PHLPP1: variants seen among roughly 807,000 people sequenced by gnomAD.
PHLPP1 encodes the protein PH domain and leucine rich repeat protein phosphatase 1.
In PHLPP1, 42 loss-of-function variants were observed where a neutral mutation model predicts 117.2. The observed-to-expected ratio is 0.36, with a 90% CI of 0.28 to 0.46. The LOEUF (loss-of-function observed/expected upper bound fraction) is 0.46. Ranked by LOEUF, PHLPP1 falls within the 20% of genes least tolerant of loss-of-function variation. The pLI is 1.00. For missense variants in PHLPP1, 2,084 were observed against 2,241.9 expected (o/e 0.93, Z 1.42); for synonymous variants, 1,042 against 970.7 (o/e 1.07, Z -1.37).
intron 2 of PHLPP1, among the ~76,000 whole-genome samples, chr18:62,836,947 T>G (rs1914922192): frequency 6.6e-6 from 1 of 151,936 alleles, no homozygotes; most frequent in Non-Finnish European, 1.5e-5. Context: ...AGGAGTGAAA[T>G]TCCGTCTCAA....
In PHLPP1 at chr18:62,715,996, G is replaced by A. The variant is rs1910713790; in HGVS notation, c.313G>A (p.Gly105Arg). ...CGGGGCGCCCCAGCCCATTGCCGGC[G>A]GGGCTGCCCCCGTACCCGGGGCCGG... ...RRGAPQPIAG[G>R]AAPVPGAGGG... Residue 105 changes from glycine (G) to arginine (R), a missense_variant, in exon 1 of 17, where the codon GGG becomes AGG. Gly to Arg is a moderately radical substitution (Grantham distance 125). Around this residue, in one of 2 missense-constraint regions of PHLPP1, gnomAD observed 719 missense variants for 636.0 expected, o/e 1.13. Coordinates refer to ENST00000262719, the MANE Select transcript of PHLPP1 (RefSeq NM_194449.4). 2 of 1,345,936 alleles carry A rather than the reference G, an allele frequency of 1.5e-6. No homozygotes were observed. The highest frequency in any genetic ancestry group is 1.9e-6 in the Non-Finnish European group (2 of 1,055,466). 83.4% of individuals were successfully genotyped at this position (1,345,936 alleles called of 1,614,324 possible). A position where few individuals can be genotyped will look rare whatever the true frequency, so the allele number is the denominator to read the frequency against.
At chr18:62,753,845 ATTTC>A (rs1359625200) in intron 1 of PHLPP1, among the ~76,000 whole-genome samples, 1 of 152,144 alleles carries the variant, frequency 6.6e-6, no homozygotes, top group Non-Finnish European at 1.5e-5. Flanking sequence ...GTTTTGTAAG[ATTTC>A]TTACTATGGG....
Position 62,841,331 on chromosome 18 carries a change from CTT to C in PHLPP1, c.1899+2440_1899+2441del, listed in dbSNP as rs1048275193. Among the ~76,000 whole-genome samples the C allele has an allele frequency of 1.7e-3, 212 of 128,478 alleles. 1 individual carries two copies. The highest frequency in any genetic ancestry group is 5.8e-3 in the African/African-American group (197 of 34,158). 84.3% of individuals were successfully genotyped at this position (128,478 alleles called of 152,430 possible). ...TTCACTTTTCTGTTTTTCTTTCTCTCTTTTTTTTTTTTTTTTTTTGAGATGGA... is the reference window on the plus strand; with the variant it reads ...TTCACTTTTCTGTTTTTCTTTCTCTCTTTTTTTTTTTTTTTTTGAGATGGA... On this transcript the variant is annotated intron_variant, in intron 3 of 16. Coordinates refer to ENST00000262719, the MANE Select transcript of PHLPP1 (RefSeq NM_194449.4).
chr18:62,913,184 A>G (rs1796293555), intron 8 of PHLPP1, among the ~76,000 whole-genome samples: 1 of 152,162 alleles, frequency 6.6e-6, no homozygotes, highest in Non-Finnish European at 1.5e-5. Flanking sequence ...TCCTCCATGC[A>G]AAGTTCTAAG....
At chr18:62,896,454 GC>G (rs1916565785) in intron 6 of PHLPP1, among the ~76,000 whole-genome samples, 1 of 151,938 alleles carries the variant, frequency 6.6e-6, no homozygotes, top group Non-Finnish European at 1.5e-5. Flanking sequence ...ACCATGCCTG[GC>G]TAATTTTTTT....
chr18:62,860,459 G>C lies in PHLPP1; in HGVS notation c.1924G>C (p.Val642Leu). Residue 642 changes from valine (V) to leucine (L), a missense_variant, in exon 4 of 17, where the codon GTG becomes CTG. Physicochemically the swap from Val to Leu is conservative, Grantham distance 32. Around this residue, in one of 2 missense-constraint regions of PHLPP1, gnomAD observed 1,365 missense variants for 1,605.9 expected, o/e 0.85. Coordinates refer to ENST00000262719, the MANE Select transcript of PHLPP1 (RefSeq NM_194449.4). ...GGTTGCATCCCAGCGCATTAGCTCA[G>C]TGGACCTCTCGTGTTGTAGCCTGGA... The part of the protein sequence containing the change: ...SKVASQRISS[V>L]DLSCCSLEHL... 6.2e-7 allele frequency: 1 copy of C among 1,613,948 alleles called. No individual in the cohort carries two copies. The highest frequency in any genetic ancestry group is 8.5e-7 in the Non-Finnish European group (1 of 1,179,854).
chr18:62,923,588 T>G (rs181996580), intron 10 of PHLPP1, among the ~76,000 whole-genome samples: 1 of 152,220 alleles, frequency 6.6e-6, no homozygotes, highest in Non-Finnish European at 1.5e-5. Context: ...AGAAAAATCA[T>G]ATTTTCTAAT....
chr18:62,937,126 T>C (rs1909997662), intron 10 of PHLPP1, among the ~76,000 whole-genome samples: 1 of 152,178 alleles, frequency 6.6e-6, no homozygotes, highest in Non-Finnish European at 1.5e-5. Context: ...CTAAGAGAAT[T>C]TGGCTGTAAA....
At chr18:62,929,162 G>GT (rs1244059480) in intron 10 of PHLPP1, among the ~76,000 whole-genome samples, 3 of 151,990 alleles carry the variant, frequency 2.0e-5, no homozygotes, top group African/African-American at 7.3e-5. Flanking sequence ...CTATAAAGCT[G>GT]TTTTTTTAAA....
chr18:62,717,135 G>A lies in PHLPP1; in HGVS notation c.1452G>A (p.Glu484=). 6 of 1,605,558 alleles carry A rather than the reference G, an allele frequency of 3.7e-6. No individual in the cohort carries two copies. Among genetic ancestry groups the A allele is most frequent in the Non-Finnish European group, 5.1e-6 (6 of 1,176,548 alleles). Residue 484 remains glutamate, a synonymous_variant, in exon 1 of 17, where the codon GAG becomes GAA. Transcript: ENST00000262719. ...ACGGAGAGACCACCCGGCGCTTGGA[G>A]GCGGAGGAGAAGCCATTGCAGATCC... The part of the protein sequence containing the change: ...QLHGETTRRL[E]AEEKPLQIQN...
intron 1 of PHLPP1, among the ~76,000 whole-genome samples, chr18:62,742,393 G>A (rs1045812069): frequency 6.6e-6 from 1 of 152,082 alleles, no homozygotes; most frequent in African/African-American, 2.4e-5. Context: ...ATGCAAAGGG[G>A]TGTGGTCTGA....
At chr18:62,821,168 A>G (rs904002104) in intron 1 of PHLPP1, among the ~76,000 whole-genome samples, 3 of 152,236 alleles carry the variant, frequency 2.0e-5, no homozygotes, top group Non-Finnish European at 4.4e-5. Flanking sequence ...GCGTTGGCTC[A>G]CGCCTGTAAT....
At chr18:62,961,499 A>G (rs1284247939) in intron 13 of PHLPP1, among the ~76,000 whole-genome samples, 5 of 152,078 alleles carry the variant, frequency 3.3e-5, no homozygotes, top group African/African-American at 9.7e-5. Context: ...ATTTCTCTGA[A>G]GACTTTGTGT....
At chr18:62,956,493 A>G (rs946387477) in intron 12 of PHLPP1, among the ~76,000 whole-genome samples, 3 of 152,240 alleles carry the variant, frequency 2.0e-5, no homozygotes, top group Non-Finnish European at 4.4e-5. Context: ...CATTCAGACC[A>G]TAGCAGATGG....
chr18:62,922,116 TTTTGTTTGTTTGTTTG>T (rs143839117), intron 10 of PHLPP1, among the ~76,000 whole-genome samples: 11 of 151,274 alleles, frequency 7.3e-5, no homozygotes, highest in African/African-American at 2.4e-4. Context: ...GTTTTGGGTT[TTTTGTTTGTTTGTTTG>T]TTTGTTTGTT....
At chr18:62,732,940 G>A (rs1187969800) in intron 1 of PHLPP1, among the ~76,000 whole-genome samples, 1 of 152,222 alleles carries the variant, frequency 6.6e-6, no homozygotes, top group African/African-American at 2.4e-5. Context: ...AACTTGAATG[G>A]ATGAGGAATT....
At chr18:62,866,567 G>A (rs982003698) in intron 4 of PHLPP1, among the ~76,000 whole-genome samples, 5 of 152,044 alleles carry the variant, frequency 3.3e-5, no homozygotes, top group African/African-American at 9.7e-5. Context: ...ATTTTAAAAC[G>A]CTGTATAGTT....
chr18:62,754,549 G>T (rs981293508), intron 1 of PHLPP1, among the ~76,000 whole-genome samples: 4 of 152,188 alleles, frequency 2.6e-5, no homozygotes, highest in African/African-American at 9.7e-5. Flanking sequence ...TTGCTTTGGG[G>T]AGCATCATGG....
chr18:62,825,989 G>T (rs114732601), intron 1 of PHLPP1, among the ~76,000 whole-genome samples: 3,698 of 152,254 alleles, frequency 0.024, 165 homozygotes, highest in African/African-American at 0.084. Flanking sequence ...GGCTATAGGA[G>T]AAATTAATTT....
Sources: gnomAD v4.1 joint callset for allele counts (sites outside exome capture counted in the v4.1 genomes callset) on GRCh38, gnomAD v4.1.1 for gene constraint, gnomAD v4.1.1 regional missense constraint, MANE v1.5 for transcripts, NCBI Gene and HGNC (gene_info 2026-07-23, HGNC 2026-07-21) for gene names.